CCSER1: variants seen among roughly 807,000 people sequenced by gnomAD.
CCSER1 encodes the protein coiled-coil serine rich protein 1, also known as serine-rich coiled-coil domain-containing protein 1.
Under a neutral mutation model 82.0 loss-of-function variants are expected in CCSER1, and 41 were observed. The observed-to-expected ratio is 0.50, with a 90% CI of 0.39 to 0.65. The LOEUF (loss-of-function observed/expected upper bound fraction) is 0.65, where lower values mean the gene tolerates loss of function less well. Ranked by LOEUF, CCSER1 falls within the 30% of genes least tolerant of loss-of-function variation. The pLI, the probability that CCSER1 is intolerant of heterozygous loss-of-function variation, is 0.00. For synonymous variants in CCSER1, 414 were observed against 383.9 expected (o/e 1.08, Z -0.92); for missense variants, 1,119 against 1,064.2 (o/e 1.05, Z -0.72).
At chr4:91,411,748 CAA>C (rs34870361) in intron 10 of CCSER1, among the ~76,000 whole-genome samples, 21 of 144,798 alleles carry the variant, frequency 1.5e-4, no homozygotes, top group East Asian at 6.2e-4. Context: ...GCTAGTGGCA[CAA>C]AAAAAAAATG....
In CCSER1 at chr4:91,079,844, A is replaced by G. The variant is rs567713609; in HGVS notation, c.2173-6106A>G. Among the ~76,000 whole-genome samples, 5 of 152,332 alleles carry G rather than the reference A, an allele frequency of 3.3e-5. No homozygotes were observed. In the South Asian group the frequency reaches 1.0e-3, roughly 32 times the overall value. The stretch of plus-strand genomic sequence containing the variant: ...AGAAGACCTATGTAATGGTAAAGGG[A>G]TCAATTCAACAAAAAGAGCTAACTA... On this transcript the variant is annotated intron_variant, in intron 9 of 10. Coordinates refer to ENST00000509176, the MANE Select transcript of CCSER1 (RefSeq NM_001145065.2).
At chr4:91,513,930 T>C (rs1487104422) in intron 10 of CCSER1, among the ~76,000 whole-genome samples, 1 of 152,098 alleles carries the variant, frequency 6.6e-6, no homozygotes, top group Non-Finnish European at 1.5e-5. Context: ...TGATTCTTTT[T>C]ATGGATTTTT....
chr4:91,335,752 A>G (rs1304125683), intron 10 of CCSER1, among the ~76,000 whole-genome samples: 1 of 152,076 alleles, frequency 6.6e-6, no homozygotes, highest in Non-Finnish European at 1.5e-5. Context: ...GTTATTGTGG[A>G]AAATGGTGGC....
chr4:90,273,027 A>C (rs111546906), intron 1 of CCSER1, among the ~76,000 whole-genome samples: 7,384 of 152,080 alleles, frequency 0.049, 477 homozygotes, highest in African/African-American at 0.15. Flanking sequence ...ACAAACAAAA[A>C]AAAACAGAAC....
At chr4:90,932,046 A>G (rs916189470) in intron 9 of CCSER1, among the ~76,000 whole-genome samples, 2 of 152,198 alleles carry the variant, frequency 1.3e-5, no homozygotes. Context: ...TTTTCAGAAT[A>G]TTATATTAGA....
chr4:90,810,872 G>A (rs1427544177), intron 7 of CCSER1, among the ~76,000 whole-genome samples: 15 of 121,816 alleles, frequency 1.2e-4, no homozygotes, highest in African/African-American at 4.2e-4. Context: ...TCGCTCTGTC[G>A]CCCAGGCTGG....
intron 10 of CCSER1, among the ~76,000 whole-genome samples, chr4:91,141,234 A>C (rs1485801404): frequency 6.6e-6 from 1 of 151,604 alleles, no homozygotes; most frequent in East Asian, 1.9e-4. Flanking sequence ...GCTCACTGCA[A>C]CCTCTACCTC....
chr4:90,804,294 A>G (rs1421026791), intron 7 of CCSER1, among the ~76,000 whole-genome samples: 2 of 152,068 alleles, frequency 1.3e-5, no homozygotes, highest in Admixed American at 6.6e-5. Context: ...GTCCATGCCT[A>G]TGTCTTGAAT....
chr4:91,043,144 GAAAAT>G lies in CCSER1; in HGVS notation c.2173-42801_2173-42797del, dbSNP rs531950498. ...AAACGAACAAAGAGAAAAAAACAAA[GAAAAT>G]AAAAATAATAACTTAAAAACAACTT... On this transcript the variant is annotated intron_variant, in intron 9 of 10. Transcript: ENST00000509176. 5.9e-3 allele frequency among the ~76,000 whole-genome samples: 887 copies of G among 151,546 alleles called. 6 individuals carry two copies. Among genetic ancestry groups the G allele is most frequent in the African/African-American group, 0.02 (838 of 41,292 alleles).
At chr4:90,767,694 G>A (rs1185526366) in intron 7 of CCSER1, among the ~76,000 whole-genome samples, 1 of 151,710 alleles carries the variant, frequency 6.6e-6, no homozygotes, top group African/African-American at 2.4e-5. Context: ...TTTTTTAAAG[G>A]GTCTCGTTCT....
chr4:91,082,146 G>A (rs867505869), intron 9 of CCSER1, among the ~76,000 whole-genome samples: 9 of 152,288 alleles, frequency 5.9e-5, no homozygotes, highest in South Asian at 2.1e-4. Flanking sequence ...GAGGCATCAT[G>A]CTACCTGACT....
chr4:90,917,467 G>A (rs892511546), intron 8 of CCSER1, among the ~76,000 whole-genome samples: 22 of 152,212 alleles, frequency 1.4e-4, no homozygotes, highest in Admixed American at 1.2e-3. Flanking sequence ...TGAACAATGA[G>A]AACACTTGGA....
chr4:90,269,304 C>T (rs1462739805), intron 1 of CCSER1, among the ~76,000 whole-genome samples: 1 of 152,032 alleles, frequency 6.6e-6, no homozygotes, highest in Non-Finnish European at 1.5e-5. Flanking sequence ...AGTCTTAAAA[C>T]ATTTAATATA....
At chr4:91,164,678 T>G (rs551187789) in intron 10 of CCSER1, among the ~76,000 whole-genome samples, 59 of 152,346 alleles carry the variant, frequency 3.9e-4, no homozygotes, top group African/African-American at 1.2e-3. Flanking sequence ...ATTTCATTCA[T>G]TTGATCTTCC....
chr4:91,363,173 A>G (rs1321545125), intron 10 of CCSER1, among the ~76,000 whole-genome samples: 1 of 151,892 alleles, frequency 6.6e-6, no homozygotes, highest in Non-Finnish European at 1.5e-5. Context: ...AAAACAGGGT[A>G]GATAAAATAC....
intron 1 of CCSER1, among the ~76,000 whole-genome samples, chr4:90,249,977 C>T (rs1314636496): frequency 6.6e-6 from 1 of 152,088 alleles, no homozygotes; most frequent in Non-Finnish European, 1.5e-5. Flanking sequence ...GTTTGATTTG[C>T]ATTTCCTTAA....
chr4:90,200,956 T>A (rs1194308395), intron 1 of CCSER1, among the ~76,000 whole-genome samples: 1 of 152,138 alleles, frequency 6.6e-6, no homozygotes, highest in Non-Finnish European at 1.5e-5. Flanking sequence ...GCATTTTTTA[T>A]TTAACATTTA....
At chr4:90,847,544 TC>T (rs1458991032) in intron 8 of CCSER1, among the ~76,000 whole-genome samples, 1 of 152,184 alleles carries the variant, frequency 6.6e-6, no homozygotes, top group Non-Finnish European at 1.5e-5. Flanking sequence ...TACATTAAAA[TC>T]TTTCTTTAGT....
chr4:90,265,026 G>T (rs1271406769), intron 1 of CCSER1, among the ~76,000 whole-genome samples: 2 of 151,854 alleles, frequency 1.3e-5, no homozygotes, highest in Non-Finnish European at 2.9e-5. Context: ...TCTTAAAAAT[G>T]ACATCTAGTA....
Sources: allele counts gnomAD v4.1 joint callset (sites outside exome capture counted in the v4.1 genomes callset), GRCh38; gene constraint gnomAD v4.1.1; transcripts MANE v1.5; gene names NCBI Gene and HGNC (gene_info 2026-07-23, HGNC 2026-07-21).